The following CUBN variants were observed in gnomAD, a reference collection of about 807,000 sequenced individuals.
The protein encoded by CUBN is 460 kDa receptor.
A neutral mutation model predicts 405.3 loss-of-function variants in CUBN; 282 were observed. The observed-to-expected ratio is 0.70, with a 90% CI of 0.63 to 0.77. CUBN has a LOEUF of 0.77. Among genes scored for constraint, CUBN ranks in the 30% least tolerant of loss-of-function variants. The pLI is 0.00. For synonymous variants in CUBN, 1,684 were observed against 1,617.0 expected (o/e 1.04, Z -0.99); for missense variants, 4,514 against 4,475.2 (o/e 1.01, Z -0.25).
At chr10:17,070,633 G>T (rs894426525) in intron 19 of CUBN, among the ~76,000 whole-genome samples, 1 of 152,030 alleles carries the variant, frequency 6.6e-6, no homozygotes, top group African/African-American at 2.4e-5. Context: ...TATTGTAAAT[G>T]GAATTGTTTC....
rs573556673 is a variant in CUBN at position 17,091,365 on chromosome 10, A to T, written c.1766-3020T>A. 2.9e-3 allele frequency among the ~76,000 whole-genome samples: 433 copies of T among 150,208 alleles called. 2 individuals carry two copies. Among genetic ancestry groups the T allele is most frequent in the African/African-American group, 0.01 (408 of 40,754 alleles). On this transcript the variant is annotated intron_variant, in intron 14 of 66. Coordinates refer to ENST00000377833, the MANE Select transcript of CUBN (RefSeq NM_001081.4). ...AATGGAATAAGTGACCATTTTGAAG[A>T]ATGCTAAGGAACCAAGTTATTAATT...
chr10:17,041,383 C>T (rs557116416), intron 26 of CUBN, among the ~76,000 whole-genome samples, 163 bp from the exon 27 acceptor site: 1 of 151,994 alleles, frequency 6.6e-6, no homozygotes, highest in Admixed American at 6.6e-5. Flanking sequence ...CACAGAGACA[C>T]ACACACATAT....
chr10:17,096,588 T>G (rs1326616780), intron 14 of CUBN, among the ~76,000 whole-genome samples: 1 of 152,002 alleles, frequency 6.6e-6, no homozygotes, highest in African/African-American at 2.4e-5. Flanking sequence ...GACTAAGTAA[T>G]AAAGCAAATA....
chr10:16,874,274 A>G, intron 58 of CUBN, 100 bp downstream of exon 58: 5 of 1,250,684 alleles, frequency 4.0e-6, no homozygotes, highest in Non-Finnish European at 5.8e-6. Context: ...TTCCCTCCAG[A>G]CTGCCGATGA....
chr10:16,918,574 G>T, intron 45 of CUBN, 48 bp downstream of exon 45: 1 of 1,425,088 alleles, frequency 7.0e-7, no homozygotes, highest in Non-Finnish European at 9.8e-7. Flanking sequence ...TAACAAATCT[G>T]CACATGTACC....
intron 3 of CUBN, 150 bp downstream of exon 3, chr10:17,127,679 T>C (rs1379261770): frequency 1.7e-6 from 1 of 598,828 alleles, no homozygotes; most frequent in African/African-American, 1.8e-5. Flanking sequence ...CAGCCTCCAT[T>C]ACAGCTGTGT....
At chr10:16,996,008 C>T (rs569970282) in intron 28 of CUBN, among the ~76,000 whole-genome samples, 1 of 152,238 alleles carries the variant, frequency 6.6e-6, no homozygotes, top group Non-Finnish European at 1.5e-5. Flanking sequence ...CCTATTGTGA[C>T]ACCCACCCTC....
In CUBN at chr10:16,940,217, G is replaced by A; in HGVS notation, c.5363C>T (p.Ser1788Phe). 6.2e-7 allele frequency: 1 copy of A among 1,614,068 alleles called. No individual in the cohort carries two copies. The highest frequency in any genetic ancestry group is 2.2e-5 in the East Asian group (1 of 44,882). The change falls in exon 37 of 67, where the codon TCT becomes TTT. Residue 1788 changes from serine (S) to phenylalanine (F), a missense_variant. By Grantham distance (155) the Ser-to-Phe change is radical. Coordinates refer to ENST00000377833, the MANE Select transcript of CUBN (RefSeq NM_001081.4). ...CACAAAATCTCTGCTGCAGTCCTGA[G>A]AGTCTTCCAACTGGAAAGATCTGAT... The part of the protein sequence containing the change: ...LSFISFQLED[S>F]QDCSRDFVEI...
At chr10:17,059,634 G>C (rs1007305043) in intron 22 of CUBN, among the ~76,000 whole-genome samples, 9 of 150,564 alleles carry the variant, frequency 6.0e-5, no homozygotes, top group Non-Finnish European at 1.2e-4. Context: ...AGACATATTT[G>C]GTTTAGCATC....
rs773274201 is a variant in CUBN at position 17,071,386 on chromosome 10, A to G, written c.2625+40T>C. 13 of 1,593,014 alleles carry G rather than the reference A, an allele frequency of 8.2e-6. No individual in the cohort carries two copies. The Middle Eastern group carries it at 5.0e-4, about 61-fold the overall frequency. On this transcript the variant is annotated intron_variant, in intron 19 of 66. Transcript: ENST00000377833. ...AACAACCCATAATATTTTTTATAATATACAACCAAATACAAATTCAAAGAT... is the reference window on the plus strand; with the variant it reads ...AACAACCCATAATATTTTTTATAATGTACAACCAAATACAAATTCAAAGAT...
rs191199019 is a variant in CUBN, at chr10:17,060,617, A to T, written c.3139+4891T>A. On this transcript the variant is annotated intron_variant, in intron 22 of 66. Coordinates refer to ENST00000377833, the MANE Select transcript of CUBN (RefSeq NM_001081.4). ...AAATTATGAGAAAACACTAGCCAGT[A>T]AGAAAGTAAATCTTTAAAAGACGAA... Among the ~76,000 whole-genome samples, 667 of 152,386 alleles carry T rather than the reference A, an allele frequency of 4.4e-3. 24 individuals carry two copies. The highest frequency in any genetic ancestry group is 0.04 in the Admixed American group (605 of 15,312).
intron 14 of CUBN, among the ~76,000 whole-genome samples, chr10:17,099,787 C>T (rs1307027962): frequency 6.6e-6 from 1 of 151,548 alleles, no homozygotes; most frequent in Non-Finnish European, 1.5e-5. Flanking sequence ...AGGAGGTCGA[C>T]GTTTCAGTGA....
At chr10:16,882,508 C>T (rs1016346561) in intron 56 of CUBN, among the ~76,000 whole-genome samples, 10 of 152,090 alleles carry the variant, frequency 6.6e-5, no homozygotes, top group African/African-American at 2.4e-4. Context: ...CATCATAGTT[C>T]TAAGAACTAT....
rs930617283 is a variant in CUBN at position 16,877,723 on chromosome 10, G to A, written c.8906-626C>T. ...TAAGGACTATAAAATATATATTATTGTTTTGTTTGCCAATTATAATGTGAA... is the reference window on the plus strand; with the variant it reads ...TAAGGACTATAAAATATATATTATTATTTTGTTTGCCAATTATAATGTGAA... On this transcript the variant is annotated intron_variant, in intron 56 of 66. Transcript: ENST00000377833. 5.9e-5 allele frequency among the ~76,000 whole-genome samples: 9 copies of A among 152,202 alleles called. No homozygotes were observed. The South Asian group carries it at 6.2e-4, about 11-fold the overall frequency.
At position 16,928,154 on chromosome 10, in the gene CUBN, T is replaced by A. The variant is rs1487482930; in HGVS notation, c.6271+3A>T. 3 of 1,613,410 alleles carry A rather than the reference T, an allele frequency of 1.9e-6. No homozygotes were observed. The Admixed American group carries it at 5.0e-5, about 27-fold the overall frequency. On this transcript the variant is annotated splice_donor_region_variant and intron_variant, in intron 41 of 66. Transcript: ENST00000377833. Reference sequence around the variant, plus strand: ...GGGATTAAAAAATATTTGAACTCATTACTCTTGTGAAAGGATGCATTGAAG... The same window carrying A: ...GGGATTAAAAAATATTTGAACTCATAACTCTTGTGAAAGGATGCATTGAAG...
chr10:16,824,872 C>T lies in CUBN; in HGVS notation c.*103G>A, dbSNP rs141485402. 8.5e-6 allele frequency: 7 copies of T among 827,828 alleles called. No homozygotes were observed. The highest frequency in any genetic ancestry group is 1.2e-5 in the Non-Finnish European group (6 of 485,258). The allele number at this position is 827,828 out of a possible 1,614,324, so 51.3% of individuals were successfully genotyped here. A position where few individuals can be genotyped will look rare whatever the true frequency, so the allele number is the denominator to read the frequency against. ...TTGGTGAAAAACCATACAAGTTCAGCTTATTCTCTGTGGCATCAGCAGGGG... is the reference window on the plus strand; with the variant it reads ...TTGGTGAAAAACCATACAAGTTCAGTTTATTCTCTGTGGCATCAGCAGGGG... On this transcript the variant is annotated 3_prime_UTR_variant, in exon 67 of 67. Transcript: ENST00000377833.
chr10:17,110,902 T>A lies in CUBN; in HGVS notation c.1015+17A>T, dbSNP rs200154949. On this transcript the variant is annotated intron_variant, in intron 9 of 66. Transcript: ENST00000377833. The stretch of plus-strand genomic sequence containing the variant: ...CTGTGCTGGGGTCAGGAGGTTGACA[T>A]TGAACCGAGGCAGCACCTGGTGGAC... The A allele has an allele frequency of 2.4e-5, 39 of 1,614,172 alleles. No individual in the cohort carries two copies. In the African/African-American group the frequency reaches 4.5e-4, roughly 19 times the overall value.
At chr10:17,004,855 A>C (rs1194027807) in intron 28 of CUBN, among the ~76,000 whole-genome samples, 1 of 151,946 alleles carries the variant, frequency 6.6e-6, no homozygotes, top group African/African-American at 2.4e-5. Context: ...TTTTTAGTAG[A>C]GATGGGGTGG....
chr10:16,905,928 C>T (rs1452955060), intron 50 of CUBN, among the ~76,000 whole-genome samples: 1 of 152,082 alleles, frequency 6.6e-6, no homozygotes, highest in African/African-American at 2.4e-5. Context: ...GCCTGGACAA[C>T]ATAGGGAGAC....
Sources: allele counts gnomAD v4.1 joint callset (sites outside exome capture counted in the v4.1 genomes callset), GRCh38; gene constraint gnomAD v4.1.1; transcripts MANE v1.5; gene names NCBI Gene and HGNC (gene_info 2026-07-23, HGNC 2026-07-21).